The following RNF150 variants were observed in gnomAD, a reference collection of about 807,000 sequenced individuals.
RNF150 encodes the protein ring finger protein 150.
RNF150 carries 24 observed loss-of-function variants against 39.3 expected under a neutral mutation model. That is an observed-to-expected ratio of 0.61 (90% CI 0.44 to 0.86). The LOEUF is 0.86. Ranked by LOEUF, RNF150 falls within the 40% of genes least tolerant of loss-of-function variation. RNF150 has a pLI of 0.00. For synonymous variants in RNF150, 255 were observed against 227.3 expected (o/e 1.12, Z -1.10); for missense variants, 502 against 587.8 (o/e 0.85, Z 1.51).
In RNF150 at chr4:141,117,339, C is replaced by T. The variant is rs1578746319; in HGVS notation, c.484+14986G>A. On this transcript the variant is annotated intron_variant, in intron 1 of 6. Coordinates refer to ENST00000515673, the MANE Select transcript of RNF150 (RefSeq NM_020724.2). ...TCAATTTTTGTGGGAAACAATGTTT[C>T]CAGACAGTGTATTAGGCCCTATTTT... Among the ~76,000 whole-genome samples, 4 of 152,078 alleles carry T rather than the reference C, an allele frequency of 2.6e-5. No homozygotes were observed. The South Asian group carries it at 6.2e-4, about 24-fold the overall frequency.
rs749317137 is a variant in RNF150 at position 141,027,912 on chromosome 4, G to GTTTTTTTTTTT, written c.485-60050_485-60040dup. On this transcript the variant is annotated intron_variant, in intron 1 of 6. Transcript: ENST00000515673. Reference sequence around the variant, plus strand: ...TAGATAGTTAATGAGCTTGGAATTTGTTTTTTTTTTTTTGTTTTTTTTTTT... The same window carrying GTTTTTTTTTTT: ...TAGATAGTTAATGAGCTTGGAATTTGTTTTTTTTTTTTTTTTTTTTTTTTGTTTTTTTTTTT... 1.2e-3 allele frequency among the ~76,000 whole-genome samples: 32 copies of GTTTTTTTTTTT among 27,092 alleles called. 8 individuals carry two copies. Among genetic ancestry groups the GTTTTTTTTTTT allele is most frequent in the Non-Finnish European group, 2.1e-3 (24 of 11,588 alleles). 17.8% of individuals were successfully genotyped at this position (27,092 alleles called of 152,430 possible).
intron 1 of RNF150, among the ~76,000 whole-genome samples, chr4:141,085,138 G>A (rs1299148283): frequency 6.6e-6 from 1 of 152,226 alleles, no homozygotes; most frequent in Non-Finnish European, 1.5e-5. Context: ...TCACAGTCAT[G>A]ATGGAAGGTG....
At chr4:141,105,844 T>A (rs893453137) in intron 1 of RNF150, among the ~76,000 whole-genome samples, 1 of 152,172 alleles carries the variant, frequency 6.6e-6, no homozygotes, top group Non-Finnish European at 1.5e-5. Flanking sequence ...AAAACCAATG[T>A]TTCCTATACA....
intron 1 of RNF150, among the ~76,000 whole-genome samples, chr4:140,994,415 G>A (rs569746434): frequency 2.0e-5 from 3 of 152,308 alleles, no homozygotes; most frequent in East Asian, 3.9e-4. Flanking sequence ...AAATGATCAC[G>A]AAGGTTATTT....
chr4:141,065,498 C>T (rs1461571471), intron 1 of RNF150, among the ~76,000 whole-genome samples: 2 of 151,952 alleles, frequency 1.3e-5, no homozygotes, highest in African/African-American at 4.8e-5. Context: ...CCAGGGGTAA[C>T]TGCTTAGTTA....
chr4:141,200,920 AATAAATCAGAT>A (rs1728280112), intron 1 of RNF150, among the ~76,000 whole-genome samples: 1 of 152,168 alleles, frequency 6.6e-6, no homozygotes, highest in African/African-American at 2.4e-5. Flanking sequence ...GGGAATTCCC[AATAAATCAGAT>A]CTATTTTACT....
intron 6 of RNF150, among the ~76,000 whole-genome samples, chr4:140,872,083 G>A (rs1728970021): frequency 6.6e-6 from 1 of 152,122 alleles, no homozygotes; most frequent in Admixed American, 6.5e-5. Context: ...AATCAAACTT[G>A]GTTTGTTCCA....
chr4:140,948,506 G>A (rs920618646), intron 3 of RNF150, among the ~76,000 whole-genome samples: 12 of 152,108 alleles, frequency 7.9e-5, no homozygotes, highest in Non-Finnish European at 1.5e-5. Context: ...GGACTGCTTT[G>A]TTTTCCCTCC....
At chr4:141,184,724 C>G (rs2111192943) in intron 1 of RNF150, among the ~76,000 whole-genome samples, 1 of 152,224 alleles carries the variant, frequency 6.6e-6, no homozygotes, top group Non-Finnish European at 1.5e-5. Flanking sequence ...CTGCATATAG[C>G]TAGTTAGTTC....
At chr4:141,082,835 G>A (rs914160383) in intron 1 of RNF150, among the ~76,000 whole-genome samples, 1 of 152,028 alleles carries the variant, frequency 6.6e-6, no homozygotes, top group Non-Finnish European at 1.5e-5. Context: ...TGATCCGCCC[G>A]CCTCGGCCTC....
Position 140,947,206 on chromosome 4 carries a change from C to T in RNF150, c.890+448G>A, listed in dbSNP as rs550852031. Reference sequence around the variant, plus strand: ...AAAATGAAAGGGCATGGGATCTGTCCTTGGCTTCCTACTTACTTCTGACCA... The same window carrying T: ...AAAATGAAAGGGCATGGGATCTGTCTTTGGCTTCCTACTTACTTCTGACCA... On this transcript the variant is annotated intron_variant, in intron 4 of 6. Coordinates refer to ENST00000515673, the MANE Select transcript of RNF150 (RefSeq NM_020724.2). 6.6e-5 allele frequency among the ~76,000 whole-genome samples: 10 copies of T among 152,014 alleles called. No individual in the cohort carries two copies. The East Asian group carries it at 1.9e-3, about 29-fold the overall frequency.
chr4:141,133,309 G>C lies in RNF150; in HGVS notation c.-501C>G. ...GGGGCGCGCGAATCCAGCTGCAGCC[G>C]CTGCTGCCCTGCGCCGGTTCCCTCA... On this transcript the variant is annotated 5_prime_UTR_variant, in exon 1 of 7. Transcript: ENST00000515673. 1 of 165,420 alleles carries C rather than the reference G, an allele frequency of 6.0e-6. No individual in the cohort carries two copies. The highest frequency in any genetic ancestry group is 1.3e-5 in the Non-Finnish European group (1 of 77,914). 10.2% of individuals were successfully genotyped at this position (165,420 alleles called of 1,614,324 possible). A position where few individuals can be genotyped will look rare whatever the true frequency, so the allele number is the denominator to read the frequency against.
chr4:141,035,435 A>G (rs1736105156), intron 1 of RNF150, among the ~76,000 whole-genome samples: 1 of 152,148 alleles, frequency 6.6e-6, no homozygotes, highest in South Asian at 2.1e-4. Flanking sequence ...TAGTGGATAA[A>G]TGGAGAAGAG....
chr4:141,162,197 G>A (rs1369608470), intron 1 of RNF150, among the ~76,000 whole-genome samples: 1 of 152,234 alleles, frequency 6.6e-6, no homozygotes, highest in Non-Finnish European at 1.5e-5. Flanking sequence ...GGCCTTGGGA[G>A]CCCACTCCCT....
chr4:141,009,315 C>T (rs556744384), intron 1 of RNF150, among the ~76,000 whole-genome samples: 4 of 152,316 alleles, frequency 2.6e-5, no homozygotes, highest in African/African-American at 9.6e-5. Context: ...AAGATATTCT[C>T]TTATGCATAG....
At chr4:141,015,697 T>C (rs1560689745) in intron 1 of RNF150, among the ~76,000 whole-genome samples, 2 of 152,164 alleles carry the variant, frequency 1.3e-5, no homozygotes, top group Non-Finnish European at 2.9e-5. Flanking sequence ...CATCAGCAAA[T>C]AGAGACAATT....
chr4:140,903,129 A>C (rs1331400875), intron 6 of RNF150, among the ~76,000 whole-genome samples: 1 of 152,200 alleles, frequency 6.6e-6, no homozygotes. Flanking sequence ...CCTAACAAAA[A>C]TGCAGAAAGG....
intron 1 of RNF150, among the ~76,000 whole-genome samples, chr4:141,014,552 C>A (rs1248157224): frequency 1.3e-5 from 2 of 152,164 alleles, no homozygotes; most frequent in South Asian, 2.1e-4. Context: ...TGAGGTAATA[C>A]CTCATTGCAG....
chr4:141,139,239 T>C (rs1454394473), intron 1 of RNF150, among the ~76,000 whole-genome samples: 1 of 152,174 alleles, frequency 6.6e-6, no homozygotes, highest in East Asian at 1.9e-4. Flanking sequence ...AGTAGGGTAT[T>C]CATTTATGTT....
Sources: gnomAD v4.1 joint callset for allele counts (sites outside exome capture counted in the v4.1 genomes callset) on GRCh38, gnomAD v4.1.1 for gene constraint, MANE v1.5 for transcripts, NCBI Gene and HGNC (gene_info 2026-07-23, HGNC 2026-07-21) for gene names.